The following SGCZ variants were observed in gnomAD, a reference collection of about 807,000 sequenced individuals.
The protein encoded by SGCZ is zeta-sarcoglycan.
Under a neutral mutation model 41.3 loss-of-function variants are expected in SGCZ, and 40 were observed. The observed-to-expected ratio is 0.97, with a 90% CI of 0.75 to 1.26. The LOEUF (loss-of-function observed/expected upper bound fraction) is 1.26. SGCZ is among the 50% of genes most tolerant of loss of function. The pLI is 0.00. For synonymous variants in SGCZ, 206 were observed against 137.5 expected (o/e 1.50, Z -3.49); for missense variants, 552 against 369.8 (o/e 1.49, Z -4.04).
At chr8:14,243,433 T>C (rs1211457051) in intron 3 of SGCZ, among the ~76,000 whole-genome samples, 2 of 152,210 alleles carry the variant, frequency 1.3e-5, no homozygotes, top group Non-Finnish European at 2.9e-5. Flanking sequence ...CACTCGATTT[T>C]TCATATCCAG....
At chr8:15,027,201 C>T (rs1184940541) in intron 1 of SGCZ, among the ~76,000 whole-genome samples, 2 of 152,102 alleles carry the variant, frequency 1.3e-5, no homozygotes, top group African/African-American at 2.4e-5. Flanking sequence ...CTCTTACAGA[C>T]TCACAATATG....
chr8:14,738,308 C>G (rs1799107045), intron 1 of SGCZ, among the ~76,000 whole-genome samples: 1 of 152,006 alleles, frequency 6.6e-6, no homozygotes, highest in Non-Finnish European at 1.5e-5. Context: ...ATTTTTCTTT[C>G]CACAAGATTT....
intron 1 of SGCZ, among the ~76,000 whole-genome samples, chr8:14,579,949 C>T (rs1804833186): frequency 6.6e-6 from 1 of 152,066 alleles, no homozygotes. Context: ...TATATTTGTT[C>T]TATTGAGTAT....
At chr8:14,841,633 T>C (rs1335875773) in intron 1 of SGCZ, among the ~76,000 whole-genome samples, 1 of 152,146 alleles carries the variant, frequency 6.6e-6, no homozygotes, top group Non-Finnish European at 1.5e-5. Context: ...GGAATGTTAT[T>C]ATGTCGATGG....
intron 1 of SGCZ, among the ~76,000 whole-genome samples, chr8:14,859,186 G>A (rs1451554720): frequency 6.6e-6 from 1 of 152,058 alleles, no homozygotes; most frequent in African/African-American, 2.4e-5. Flanking sequence ...TTGTGACACA[G>A]ATTATTAAGA....
At chr8:15,092,135 A>T (rs1330383853) in intron 1 of SGCZ, among the ~76,000 whole-genome samples, 1 of 152,192 alleles carries the variant, frequency 6.6e-6, no homozygotes, top group Non-Finnish European at 1.5e-5. Context: ...GGTCAGTGAA[A>T]ACGCTGGTCT....
At chr8:14,930,788 A>G (rs1252757229) in intron 1 of SGCZ, among the ~76,000 whole-genome samples, 1 of 151,970 alleles carries the variant, frequency 6.6e-6, no homozygotes, top group Non-Finnish European at 1.5e-5. Context: ...ATGAGAACAC[A>G]TGGACACAGG....
At chr8:14,455,486 ACACACG>A (rs1400604635) in intron 2 of SGCZ, among the ~76,000 whole-genome samples, 2 of 148,970 alleles carry the variant, frequency 1.3e-5, no homozygotes, top group East Asian at 2.0e-4. Flanking sequence ...ACACACACAC[ACACACG>A]CATATACACA....
chr8:14,129,611 G>A (rs1436824650), intron 5 of SGCZ, among the ~76,000 whole-genome samples: 1 of 151,564 alleles, frequency 6.6e-6, no homozygotes, highest in African/African-American at 2.4e-5. Context: ...TATAAAAGAA[G>A]AAAGACTTCA....
intron 1 of SGCZ, among the ~76,000 whole-genome samples, chr8:14,660,966 A>G (rs1196484001): frequency 6.6e-6 from 1 of 152,188 alleles, no homozygotes; most frequent in Non-Finnish European, 1.5e-5. Flanking sequence ...TATGCACATG[A>G]AAACAATGTA....
intron 1 of SGCZ, among the ~76,000 whole-genome samples, chr8:15,181,697 G>A (rs13260980): frequency 0.36 from 54,317 of 151,958 alleles, 11,961 homozygotes; most frequent in Non-Finnish European, 0.47. Flanking sequence ...TTCGAAAGTC[G>A]CTAGGGCAAG....
intron 3 of SGCZ, among the ~76,000 whole-genome samples, chr8:14,271,087 A>T (rs1800042939): frequency 6.6e-6 from 1 of 152,184 alleles, no homozygotes; most frequent in African/African-American, 2.4e-5. Context: ...TAGGAGATAT[A>T]CCTAATGTTA....
At chr8:14,890,305 G>C (rs1804965387) in intron 1 of SGCZ, among the ~76,000 whole-genome samples, 1 of 151,942 alleles carries the variant, frequency 6.6e-6, no homozygotes. Context: ...AGAAACGAAA[G>C]AAAAGAAAAA....
intron 1 of SGCZ, among the ~76,000 whole-genome samples, chr8:15,015,790 A>C (rs1298004874): frequency 6.8e-6 from 1 of 148,004 alleles, no homozygotes; most frequent in Non-Finnish European, 1.5e-5. Context: ...AATAAGAAAT[A>C]GCTTGGTTCT....
At chr8:14,783,830 C>G (rs1444755905) in intron 1 of SGCZ, among the ~76,000 whole-genome samples, 2 of 151,984 alleles carry the variant, frequency 1.3e-5, no homozygotes, top group East Asian at 1.9e-4. Flanking sequence ...ATTCAAAAAT[C>G]ATTTATGTTG....
At chr8:14,885,831 A>T (rs1351870264) in intron 1 of SGCZ, among the ~76,000 whole-genome samples, 1 of 151,748 alleles carries the variant, frequency 6.6e-6, no homozygotes, top group East Asian at 1.9e-4. Flanking sequence ...TTCTGATTAT[A>T]AAAAGAAGTG....
chr8:14,474,567 C>G (rs1223573094), intron 2 of SGCZ, among the ~76,000 whole-genome samples: 1 of 151,928 alleles, frequency 6.6e-6, no homozygotes, highest in East Asian at 1.9e-4. Context: ...GAATTAATTT[C>G]AAGAATAAAA....
chr8:14,382,582 G>A (rs1421093321), intron 2 of SGCZ, among the ~76,000 whole-genome samples: 2 of 152,124 alleles, frequency 1.3e-5, no homozygotes, highest in African/African-American at 2.4e-5. Context: ...TGAAAAATAT[G>A]TGCCACACAA....
chr8:14,246,268 T>A (rs1294715427), intron 3 of SGCZ, among the ~76,000 whole-genome samples: 3 of 152,118 alleles, frequency 2.0e-5, no homozygotes, highest in African/African-American at 4.8e-5. Context: ...TATGCAGCCA[T>A]AAAAATGATG....
Sources: allele counts gnomAD v4.1 joint callset (sites outside exome capture counted in the v4.1 genomes callset), GRCh38; gene constraint gnomAD v4.1.1; transcripts MANE v1.5; gene names NCBI Gene and HGNC (gene_info 2026-07-23, HGNC 2026-07-21).